Variants in CSMD2 observed in about 807,000 individuals in gnomAD.
The protein encoded by CSMD2 is CUB and Sushi multiple domains 2.
In CSMD2, 130 loss-of-function variants were observed where a neutral mutation model predicts 398.5. The ratio of observed to expected loss-of-function variants is 0.33; its 90% CI spans 0.28 to 0.38. The LOEUF (loss-of-function observed/expected upper bound fraction) is 0.38, where lower values mean the gene tolerates loss of function less well. CSMD2 is among the 10% of genes least tolerant of loss of function. CSMD2 has a pLI of 1.00. For missense variants in CSMD2, 3,829 were observed against 4,764.9 expected, an observed-to-expected ratio of 0.80 and a Z score of 5.78; for synonymous variants, 1,828 against 1,908.5, an observed-to-expected ratio of 0.96 and a Z score of 1.10.
chr1:33,691,008 T>C (rs1197100702), intron 25 of CSMD2, among the ~76,000 whole-genome samples: 1 of 152,024 alleles, frequency 6.6e-6, no homozygotes, highest in Non-Finnish European at 1.5e-5. Context: ...ACCTCCCGGG[T>C]GAGCTGACAT....
At chr1:33,900,512 C>T (rs753029672) in intron 5 of CSMD2, among the ~76,000 whole-genome samples, 2 of 152,170 alleles carry the variant, frequency 1.3e-5, no homozygotes, top group Non-Finnish European at 2.9e-5. Flanking sequence ...CGCAATGGCT[C>T]ACGCCTGTAA....
At chr1:33,620,642 G>T (rs1186922715) in intron 37 of CSMD2, among the ~76,000 whole-genome samples, 1 of 151,998 alleles carries the variant, frequency 6.6e-6, no homozygotes, top group Admixed American at 6.6e-5. Context: ...AAACTGGAGA[G>T]AACAGAGAAG....
chr1:34,042,947 G>A (rs1652031064), intron 2 of CSMD2, among the ~76,000 whole-genome samples: 1 of 9,814 alleles, frequency 1.0e-4, no homozygotes, highest in Admixed American at 2.3e-3. Flanking sequence ...CACCATGCCT[G>A]GCTAATTTTT....
intron 24 of CSMD2, among the ~76,000 whole-genome samples, chr1:33,696,410 T>TG (rs1291487725): frequency 6.6e-6 from 1 of 152,192 alleles, no homozygotes; most frequent in Admixed American, 6.5e-5. Flanking sequence ...CAAGACCCTC[T>TG]GCTCAAGCTT....
chr1:33,957,929 CTG>C (rs72457395), intron 3 of CSMD2, among the ~76,000 whole-genome samples: 15,365 of 149,770 alleles, frequency 0.1, 783 homozygotes, highest in East Asian at 0.17. Flanking sequence ...AACTCAGTCA[CTG>C]TGTGTGTGTG....
rs369962526 is a variant in CSMD2 at position 33,915,990 on chromosome 1, G to GAAACT, written c.920+2103_920+2104insAGTTT. 5.3e-3 allele frequency among the ~76,000 whole-genome samples: 804 copies of GAAACT among 152,242 alleles called. 6 individuals are homozygous for GAAACT. Among genetic ancestry groups the GAAACT allele is most frequent in the African/African-American group, 0.018 (747 of 41,548 alleles). On this transcript the variant is annotated intron_variant, in intron 5 of 70. Transcript: ENST00000373381. ...TCATTTTCCTCTTCTGTAAAAGGAG[G>GAAACT]AAAACTATGCTACTTACTTCATATA...
In CSMD2 at chr1:33,693,076, A is replaced by G; in HGVS notation, c.3926-20T>C. On this transcript the variant is annotated intron_variant, in intron 24 of 70. Coordinates refer to ENST00000373381, the MANE Select transcript of CSMD2 (RefSeq NM_001281956.2). The stretch of plus-strand genomic sequence containing the variant: ...ACTCGGCTGAAAGAAATCCCAAAAG[A>G]GTGAGCTTCATGGGGTGGCCTGAGC... 6.3e-7 allele frequency: 1 copy of G among 1,582,440 alleles called. No individual in the cohort carries two copies. The highest frequency in any genetic ancestry group is 1.4e-5 in the African/African-American group (1 of 73,344).
At chr1:33,614,078 T>C (rs1467733315) in intron 40 of CSMD2, among the ~76,000 whole-genome samples, 4 of 152,180 alleles carry the variant, frequency 2.6e-5, no homozygotes, top group Non-Finnish European at 5.9e-5. Context: ...GATGATAAAT[T>C]AGACACTGGG....
chr1:34,080,732 TA>T (rs1163226840), intron 2 of CSMD2, among the ~76,000 whole-genome samples: 1 of 151,796 alleles, frequency 6.6e-6, no homozygotes, highest in East Asian at 1.9e-4. Flanking sequence ...CAAGAAATAA[TA>T]AAACTAATTT....
At chr1:33,607,900 G>A (rs1168520308) in intron 41 of CSMD2, among the ~76,000 whole-genome samples, 1 of 152,210 alleles carries the variant, frequency 6.6e-6, no homozygotes, top group Non-Finnish European at 1.5e-5. Context: ...CCAACTCCTG[G>A]TGGAGGAGCT....
At chr1:33,586,746 C>A in intron 45 of CSMD2, 129 bp from the exon 46 acceptor site, 2 of 641,260 alleles carry the variant, frequency 3.1e-6, no homozygotes, top group South Asian at 3.7e-5. Flanking sequence ...AGCTCAGCTC[C>A]CATCAAATGG....
chr1:34,129,455 T>A (rs1013086365), intron 1 of CSMD2, among the ~76,000 whole-genome samples: 6 of 151,974 alleles, frequency 3.9e-5, no homozygotes, highest in South Asian at 2.1e-4. Flanking sequence ...ATCGTGACCA[T>A]CCTGGCTAAC....
Position 33,721,327 on chromosome 1 carries a change from G to C in CSMD2, c.3001+2870C>G, listed in dbSNP as rs1442100622. Reference sequence around the variant, plus strand: ...TCCTGAAGGCAGGCACTGGCAGAGTGGCTTGTTCAGCTGTTTTCCTAGCAA... The same window carrying C: ...TCCTGAAGGCAGGCACTGGCAGAGTCGCTTGTTCAGCTGTTTTCCTAGCAA... On this transcript the variant is annotated intron_variant, in intron 19 of 70. Transcript: ENST00000373381. Among the ~76,000 whole-genome samples the C allele has an allele frequency of 3.9e-5, 6 of 152,164 alleles. No individual in the cohort carries two copies. In the East Asian group the frequency reaches 1.2e-3, roughly 29 times the overall value.
intron 41 of CSMD2, chr1:33,606,095 T>TG: frequency 6.9e-7 from 1 of 1,456,336 alleles, no homozygotes; most frequent in Non-Finnish European, 9.0e-7. Flanking sequence ...TCCATGAGAG[T>TG]GGGTGGCCTG....
chr1:33,681,800 T>C (rs1005784341), intron 25 of CSMD2, among the ~76,000 whole-genome samples: 2 of 152,150 alleles, frequency 1.3e-5, no homozygotes, highest in South Asian at 2.1e-4. Context: ...ACCCTGTCTC[T>C]ACTAAAAGTA....
intron 24 of CSMD2, among the ~76,000 whole-genome samples, chr1:33,697,965 A>G (rs1645476292): frequency 6.6e-6 from 1 of 152,218 alleles, no homozygotes; most frequent in Non-Finnish European, 1.5e-5. Flanking sequence ...TGGCACAGAC[A>G]CGTTGAGGTT....
At chr1:33,919,951 G>A (rs1643882278) in intron 4 of CSMD2, among the ~76,000 whole-genome samples, 1 of 152,132 alleles carries the variant, frequency 6.6e-6, no homozygotes, top group Admixed American at 6.5e-5. Context: ...CTTACATTCT[G>A]GTCAGAAGGA....
chr1:33,928,819 G>T (rs893635119), intron 4 of CSMD2, among the ~76,000 whole-genome samples: 1 of 152,214 alleles, frequency 6.6e-6, no homozygotes, highest in Non-Finnish European at 1.5e-5. Context: ...CCGGCATAGT[G>T]TTTAGTGCCT....
At chr1:33,919,590 C>T (rs1643874754) in intron 4 of CSMD2, among the ~76,000 whole-genome samples, 1 of 152,196 alleles carries the variant, frequency 6.6e-6, no homozygotes, top group Non-Finnish European at 1.5e-5. Flanking sequence ...GGTTTCCCTC[C>T]TATACCCATT....
Sources: allele counts gnomAD v4.1 joint callset (sites outside exome capture counted in the v4.1 genomes callset), GRCh38; gene constraint gnomAD v4.1.1; transcripts MANE v1.5; gene names NCBI Gene and HGNC (gene_info 2026-07-23, HGNC 2026-07-21).